UTP4: variants seen among roughly 807,000 people sequenced by gnomAD.
UTP4 encodes UTP4 small subunit processome component.
A neutral mutation model predicts 82.4 loss-of-function variants in UTP4; 45 were observed. The observed-to-expected ratio is 0.55, with a 90% CI of 0.43 to 0.70. The LOEUF is 0.70. UTP4 is among the 30% of genes least tolerant of loss of function. The pLI is 0.00. For missense variants in UTP4, 819 were observed against 858.3 expected, an observed-to-expected ratio of 0.95 and a Z score of 0.57; for synonymous variants, 348 against 300.3, an observed-to-expected ratio of 1.16 and a Z score of -1.64.
chr16:69,163,157 C>T lies in UTP4; in HGVS notation c.1626C>T (p.Val542=). Reference sequence around the variant, plus strand: ...TTGCCCCCAATACCAACAACCTTGTCATCGCTCATTCGGACCAGCAGGTAA... The same window carrying T: ...TTGCCCCCAATACCAACAACCTTGTTATCGCTCATTCGGACCAGCAGGTAA... The part of the protein sequence containing the change: ...MAIAPNTNNL[V]IAHSDQQVFE... The change falls in exon 14 of 17, where the codon GTC becomes GTT. Residue 542 remains valine (V), a synonymous_variant. Transcript: ENST00000314423. 2 of 1,613,782 alleles carry T rather than the reference C, an allele frequency of 1.2e-6. No homozygotes were observed. The highest frequency in any genetic ancestry group is 2.2e-5 in the East Asian group (1 of 44,882).
At chr16:69,144,381 G>A (rs1963053610) in intron 6 of UTP4, among the ~76,000 whole-genome samples, 1 of 150,824 alleles carries the variant, frequency 6.6e-6, no homozygotes, top group Non-Finnish European at 1.5e-5. Context: ...ATATGTTTAG[G>A]CTTTCACCAT....
intron 2 of UTP4, 118 bp from the exon 3 acceptor site, chr16:69,136,578 A>C (rs927263357): frequency 1.4e-5 from 13 of 947,350 alleles, no homozygotes; most frequent in Admixed American, 1.0e-4. Flanking sequence ...ATCTGATAGC[A>C]CAAAACCCCA....
intron 8 of UTP4, among the ~76,000 whole-genome samples, chr16:69,151,534 A>G (rs549784220): frequency 3.4e-4 from 52 of 150,914 alleles, no homozygotes; most frequent in African/African-American, 1.2e-3. Flanking sequence ...GTTAACCAGG[A>G]TGGTCTTGAT....
intron 12 of UTP4, among the ~76,000 whole-genome samples, 193 bp from the exon 13 acceptor site, chr16:69,160,163 C>T (rs551499463): frequency 3.0e-4 from 45 of 152,232 alleles, no homozygotes; most frequent in African/African-American, 1.1e-3. Flanking sequence ...TCTTTACAGG[C>T]GGGATGGTTA....
chr16:69,148,629 T>C (rs1398448798), intron 6 of UTP4, among the ~76,000 whole-genome samples: 1 of 151,702 alleles, frequency 6.6e-6, no homozygotes, highest in Non-Finnish European at 1.5e-5. Flanking sequence ...TTTTTTTTTT[T>C]TGAGACACGG....
At chr16:69,138,020 G>A (rs528950196) in intron 4 of UTP4, 135 bp downstream of exon 4, 11 of 690,292 alleles carry the variant, frequency 1.6e-5, no homozygotes, top group East Asian at 2.7e-5. Flanking sequence ...GTATGTGCTA[G>A]AAGCCATCCC....
chr16:69,155,170 T>A (rs890712676), intron 10 of UTP4, among the ~76,000 whole-genome samples: 1 of 152,188 alleles, frequency 6.6e-6, no homozygotes. Flanking sequence ...GTTGGTTTTT[T>A]TGTTTGTTTG....
chr16:69,160,504 A>G (rs1335667290), intron 13 of UTP4, 42 bp downstream of exon 13: 2 of 1,425,784 alleles, frequency 1.4e-6, no homozygotes, highest in South Asian at 1.1e-5. Context: ...ATCATTGTAC[A>G]GGAGCCAGTT....
chr16:69,132,740 T>TA (rs1440470373), intron 1 of UTP4, 51 bp downstream of exon 1: 6 of 245,018 alleles, frequency 2.4e-5, no homozygotes, highest in African/African-American at 1.4e-4. Context: ...GGGGGGGTCT[T>TA]ACAAGGTGGC....
intron 10 of UTP4, among the ~76,000 whole-genome samples, chr16:69,155,028 A>G (rs547177197): frequency 1.3e-5 from 2 of 152,088 alleles, no homozygotes; most frequent in South Asian, 2.1e-4. Flanking sequence ...CCATGTGCAT[A>G]TTTTTAAAAA....
At chr16:69,137,325 T>A (rs201481122) in intron 3 of UTP4, among the ~76,000 whole-genome samples, 1 of 152,364 alleles carries the variant, frequency 6.6e-6, no homozygotes, top group East Asian at 1.9e-4. Flanking sequence ...CTCAAAAATA[T>A]GACCACACAC....
intron 2 of UTP4, among the ~76,000 whole-genome samples, chr16:69,135,486 G>A (rs918705720): frequency 6.6e-6 from 1 of 152,120 alleles, no homozygotes; most frequent in Non-Finnish European, 1.5e-5. Context: ...GCCAGGGCAG[G>A]TGGATCACTT....
intron 11 of UTP4, 82 bp downstream of exon 11, chr16:69,156,075 A>T: frequency 1.5e-6 from 2 of 1,373,964 alleles, no homozygotes; most frequent in South Asian, 1.2e-5. Flanking sequence ...AATCAACTGG[A>T]TGTGAATCCT....
chr16:69,165,680 T>G (rs1228700486), intron 15 of UTP4, 154 bp downstream of exon 15: 2 of 736,192 alleles, frequency 2.7e-6, no homozygotes, highest in Non-Finnish European at 2.4e-6. Context: ...GGAGAGGGGC[T>G]TTTGTTTTAC....
chr16:69,144,770 A>T (rs1018135243), intron 6 of UTP4, among the ~76,000 whole-genome samples: 1 of 152,230 alleles, frequency 6.6e-6, no homozygotes, highest in African/African-American at 2.4e-5. Flanking sequence ...TAATAGTGGT[A>T]TAAGTTGAAA....
At position 69,164,099 on chromosome 16, in the gene UTP4, T is replaced by C. The variant is rs1302441935; in HGVS notation, c.1647+921T>C. 2.6e-5 allele frequency among the ~76,000 whole-genome samples: 4 copies of C among 152,088 alleles called. No homozygotes were observed. The South Asian group carries it at 6.2e-4, about 24-fold the overall frequency. ...TGGAGTTTCACCATGTTAGCCAGGA[T>C]GGTCTCGATCTCCTGACCTTGTGAT... On this transcript the variant is annotated intron_variant, in intron 14 of 16. Coordinates refer to ENST00000314423, the MANE Select transcript of UTP4 (RefSeq NM_032830.3).
At chr16:69,137,184 T>C (rs983188101) in intron 3 of UTP4, among the ~76,000 whole-genome samples, 2 of 152,248 alleles carry the variant, frequency 1.3e-5, no homozygotes, top group African/African-American at 4.8e-5. Flanking sequence ...TTGTGTTTTA[T>C]GGTAAATTTC....
Position 69,157,957 on chromosome 16 carries a change from T to C in UTP4, c.1444+717T>C, listed in dbSNP as rs533777833. Among the ~76,000 whole-genome samples, 118 of 149,658 alleles carry C rather than the reference T, an allele frequency of 7.9e-4. No individual in the cohort carries two copies. In the Middle Eastern group the frequency reaches 0.01, roughly 13 times the overall value. On this transcript the variant is annotated intron_variant, in intron 12 of 16. Coordinates refer to ENST00000314423, the MANE Select transcript of UTP4 (RefSeq NM_032830.3). ...CATATAATGTTCCTGAGAATTTTTC[T>C]GTTTTCATTGAGAATGTGAGTATTA... is the stretch of plus-strand genomic sequence containing the variant.
rs185803725 is a variant in UTP4, at chr16:69,149,530, G to A, written c.739-1007G>A. Among the ~76,000 whole-genome samples the A allele has an allele frequency of 8.1e-3, 1,228 of 152,030 alleles. 12 individuals carry two copies. Among genetic ancestry groups the A allele is most frequent in the Non-Finnish European group, 0.012 (844 of 67,974 alleles). ...CATGCCACTGCCCTCCAGCCTGGGT[G>A]ACAGAGCGAAACTCCGTCTCAAAAA... On this transcript the variant is annotated intron_variant, in intron 6 of 16. Coordinates refer to ENST00000314423, the MANE Select transcript of UTP4 (RefSeq NM_032830.3).
Sources: gnomAD v4.1 joint callset for allele counts (sites outside exome capture counted in the v4.1 genomes callset) on GRCh38, gnomAD v4.1.1 for gene constraint, MANE v1.5 for transcripts, NCBI Gene and HGNC (gene_info 2026-07-23, HGNC 2026-07-21) for gene names.